Variants in KARS1 observed in about 807,000 individuals in gnomAD.
KARS1 encodes the protein lysine--tRNA ligase.
Under a neutral mutation model 63.9 loss-of-function variants are expected in KARS1, and 50 were observed. That is an observed-to-expected ratio of 0.78 (90% CI 0.62 to 0.99). KARS1 has a LOEUF of 0.99. KARS1 is among the 50% of genes least tolerant of loss of function. The pLI, the probability that KARS1 is intolerant of heterozygous loss-of-function variation, is 0.00. For missense variants in KARS1, 816 were observed against 754.5 expected (o/e 1.08, Z -0.95); for synonymous variants, 320 against 264.6 (o/e 1.21, Z -2.03).
rs1287057665 is a variant in KARS1, at chr16:75,640,174, G to C, written c.388+10C>G. 3 of 1,613,052 alleles carry C rather than the reference G, an allele frequency of 1.9e-6. No homozygotes were observed. The highest frequency in any genetic ancestry group is 2.7e-5 in the African/African-American group (2 of 74,902). On this transcript the variant is annotated intron_variant, in intron 3 of 13. Coordinates refer to ENST00000302445, the MANE Select transcript of KARS1 (RefSeq NM_005548.3). ...TGGGAGTTCAGTGATTTGCCAGGGA[G>C]AGTTCCTACCTGCCACCTTTAAGGT... is the stretch of plus-strand genomic sequence containing the variant.
chr16:75,641,950 ACT>A (rs1449466669), intron 1 of KARS1, among the ~76,000 whole-genome samples: 1 of 151,970 alleles, frequency 6.6e-6, no homozygotes, highest in Non-Finnish European at 1.5e-5. Context: ...GTGAAAAATC[ACT>A]CTCAGTCTCT....
At chr16:75,632,228 T>C (rs2082122500) in intron 7 of KARS1, among the ~76,000 whole-genome samples, 1 of 152,186 alleles carries the variant, frequency 6.6e-6, no homozygotes, top group Admixed American at 6.6e-5. Flanking sequence ...TCTGGGAAGT[T>C]TCAGTCTCCA....
At position 75,628,381 on chromosome 16, in the gene KARS1, AG is replaced by A. The variant is rs5817957; in HGVS notation, c.1695+187del. 0.032 allele frequency among the ~76,000 whole-genome samples: 4,898 copies of A among 152,276 alleles called. 119 individuals are homozygous for A. Among genetic ancestry groups the A allele is most frequent in the African/African-American group, 0.067 (2,781 of 41,546 alleles). On this transcript the variant is annotated intron_variant, in intron 13 of 13. Coordinates refer to ENST00000302445, the MANE Select transcript of KARS1 (RefSeq NM_005548.3). ...AATTAGTATTCCTTCTGCCCCTGGT[AG>A]GAAAAAACCCAAATCCTTTAAGGTC...
In KARS1 at chr16:75,640,224, C is replaced by G. The variant is rs771600946; in HGVS notation, c.348G>C (p.Gln116His). 1.9e-6 allele frequency: 3 copies of G among 1,614,144 alleles called. No individual in the cohort carries two copies. The highest frequency in any genetic ancestry group is 3.3e-5 in the Admixed American group (2 of 60,020). The change falls in exon 3 of 14, where the codon CAG (glutamine) becomes CAC (histidine). Residue 116 changes from glutamine to histidine, a missense_variant. Gln to His is a conservative substitution (Grantham distance 24). Coordinates refer to ENST00000302445, the MANE Select transcript of KARS1 (RefSeq NM_005548.3). Reference sequence around the variant, plus strand: ...TGATGTCAGTCAGGTGATCCCCAGGCTGCAGGTGACTATATTTTTGGATGA... The same window carrying G: ...TGATGTCAGTCAGGTGATCCCCAGGGTGCAGGTGACTATATTTTTGGATGA... ...TDFIQKYSHL[Q>H]PGDHLTDITL... is the part of the protein sequence containing the mutation.
Position 75,629,548 on chromosome 16 carries a change from A to G in KARS1, c.1425-7T>C. 1 of 1,613,954 alleles carries G rather than the reference A, an allele frequency of 6.2e-7. No individual in the cohort carries two copies. The highest frequency in any genetic ancestry group is 8.5e-7 in the Non-Finnish European group (1 of 1,179,884). On this transcript the variant is annotated splice_region_variant and splice_polypyrimidine_tract_variant and intron_variant, in intron 11 of 13. Coordinates refer to ENST00000302445, the MANE Select transcript of KARS1 (RefSeq NM_005548.3). The stretch of plus-strand genomic sequence containing the variant: ...ACCCTCTTTAGAGCGGTGCCTAGGG[A>G]CAGGAGACCAAAGAGGAGGCTGAAT...
At chr16:75,636,892 A>G (rs544486773) in intron 3 of KARS1, among the ~76,000 whole-genome samples, 1 of 151,192 alleles carries the variant, frequency 6.6e-6, no homozygotes, top group African/African-American at 2.4e-5. Flanking sequence ...CACCCACCTC[A>G]GCCTCCCAAA....
At chr16:75,630,832 A>ACC (rs993823319) in intron 10 of KARS1, among the ~76,000 whole-genome samples, 25 of 152,076 alleles carry the variant, frequency 1.6e-4, no homozygotes, top group Admixed American at 1.6e-3. Flanking sequence ...ACAGGGTTTC[A>ACC]CCATGTTGGC....
At chr16:75,633,945 C>A in intron 7 of KARS1, 1 of 535,446 alleles carries the variant, frequency 1.9e-6, no homozygotes, top group East Asian at 3.8e-5. Flanking sequence ...TAAGGAGTGC[C>A]TGTATACATG....
At chr16:75,640,714 C>T (rs1048237274) in intron 2 of KARS1, among the ~76,000 whole-genome samples, 3 of 152,198 alleles carry the variant, frequency 2.0e-5, no homozygotes, top group East Asian at 3.8e-4. Flanking sequence ...AACTACTCTC[C>T]TACCTCTGGC....
intron 3 of KARS1, among the ~76,000 whole-genome samples, chr16:75,638,714 T>C (rs1357655451): frequency 6.7e-6 from 1 of 150,000 alleles, no homozygotes; most frequent in Non-Finnish European, 1.5e-5. Flanking sequence ...AAACAGAAAG[T>C]GAAAAGGAGG....
At chr16:75,633,882 G>C in intron 7 of KARS1, 1 of 382,970 alleles carries the variant, frequency 2.6e-6, no homozygotes, top group Non-Finnish European at 5.0e-6. Flanking sequence ...ACTTAAATCA[G>C]ATCTAATCCA....
Position 75,631,709 on chromosome 16 carries a change from C to A in KARS1, c.1062G>T (p.Thr354=), listed in dbSNP as rs933729786. The part of the protein sequence containing the change: ...YADYHDLMEI[T]EKMVSGMVKH... ...AGGAGTCACCTGAAACCATCTTCTC[C>A]GTGATTTCCATGAGATCGTGATAGT... Residue 354 remains threonine, a synonymous_variant, in exon 8 of 14, where the codon ACG becomes ACT. Coordinates refer to ENST00000302445, the MANE Select transcript of KARS1 (RefSeq NM_005548.3). The A allele has an allele frequency of 1.9e-6, 3 of 1,614,044 alleles. No individual in the cohort carries two copies. In the African/African-American group the frequency reaches 4.0e-5, roughly 22 times the overall value.
chr16:75,631,142 T>C (rs1337426408), intron 10 of KARS1, 26 bp downstream of exon 10: 10 of 1,583,416 alleles, frequency 6.3e-6, no homozygotes, highest in Middle Eastern at 1.7e-4. Flanking sequence ...GATGAGGACA[T>C]GTACAAGAAG....
chr16:75,646,139 GC>G lies in KARS1; in HGVS notation c.62+1438del, dbSNP rs532857584. Among the ~76,000 whole-genome samples the G allele has an allele frequency of 3.1e-3, 475 of 152,290 alleles. 4 individuals are homozygous for G. The highest frequency in any genetic ancestry group is 0.011 in the African/African-American group (457 of 41,560). ...AACTTTTATGGAAGTCCATCGGATT[GC>G]TCTAATAAAGGACAATATATTAAGG... On this transcript the variant is annotated intron_variant, in intron 1 of 13. Transcript: ENST00000302445.
chr16:75,633,140 T>A (rs2082130127), intron 7 of KARS1, among the ~76,000 whole-genome samples: 1 of 152,232 alleles, frequency 6.6e-6, no homozygotes, highest in African/African-American at 2.4e-5. Context: ...CAAGTGTGTT[T>A]ACTCAAAGCT....
intron 1 of KARS1, among the ~76,000 whole-genome samples, chr16:75,644,014 T>C (rs1435667959): frequency 5.9e-5 from 9 of 152,188 alleles, no homozygotes; most frequent in African/African-American, 2.2e-4. Flanking sequence ...AAAAGGGAAA[T>C]AGCTGGCATT....
intron 7 of KARS1, among the ~76,000 whole-genome samples, 189 bp from the exon 8 acceptor site, chr16:75,632,044 C>G (rs36101987): frequency 4.6e-5 from 7 of 152,122 alleles, no homozygotes; most frequent in Non-Finnish European, 1.0e-4. Context: ...TGTGCCACCA[C>G]GCCTGGCTAA....
chr16:75,630,874 A>T (rs1348102090), intron 10 of KARS1, among the ~76,000 whole-genome samples: 7 of 152,062 alleles, frequency 4.6e-5, no homozygotes, highest in Non-Finnish European at 1.0e-4. Context: ...ACCTCAGGTG[A>T]TTCATCTGCC....
rs1259139456 is a variant in KARS1 at position 75,628,634 on chromosome 16, T to TG, written c.1629dup (p.Thr544HisfsTer9). On this transcript the variant is annotated frameshift_variant, in exon 13 of 14. Coordinates refer to ENST00000302445, the MANE Select transcript of KARS1 (RefSeq NM_005548.3). LOFTEE classifies it high-confidence loss of function. ...TCAATGCCCATGCCCCAGCCAGCTGTGGGGGGCAGCCCATATTCCAGGGCA... is the reference window on the plus strand; with the variant it reads ...TCAATGCCCATGCCCCAGCCAGCTGTGGGGGGGCAGCCCATATTCCAGGGCA... 2 of 1,614,046 alleles carry TG rather than the reference T, an allele frequency of 1.2e-6. No homozygotes were observed. The highest frequency in any genetic ancestry group is 1.7e-6 in the Non-Finnish European group (2 of 1,179,942).
Sources: gnomAD v4.1 joint callset for allele counts (sites outside exome capture counted in the v4.1 genomes callset) on GRCh38, gnomAD v4.1.1 for gene constraint, MANE v1.5 for transcripts, NCBI Gene and HGNC (gene_info 2026-07-23, HGNC 2026-07-21) for gene names.